Variants in ABCB11 observed in about 807,000 individuals in gnomAD.
ABCB11 encodes ATP binding cassette subfamily B member 11.
In ABCB11, 95 loss-of-function variants were observed where a neutral mutation model predicts 148.0. The ratio of observed to expected loss-of-function variants is 0.64; its 90% CI spans 0.54 to 0.76. The LOEUF is 0.76. Ranked by LOEUF, ABCB11 falls within the 30% of genes least tolerant of loss-of-function variation. The pLI is 0.00. For missense variants in ABCB11, 1,523 were observed against 1,617.8 expected (o/e 0.94, Z 1.01); for synonymous variants, 591 against 555.4 (o/e 1.06, Z -0.90).
chr2:168,996,804 T>TA, intron 5 of ABCB11, 82 bp from the exon 6 acceptor site: 1 of 432,014 alleles, frequency 2.3e-6, no homozygotes, highest in Non-Finnish European at 3.9e-6. Flanking sequence ...TAGAGGGATT[T>TA]AAAAAATATA....
chr2:168,974,096 A>C (rs1255475276), intron 12 of ABCB11, among the ~76,000 whole-genome samples: 2 of 152,082 alleles, frequency 1.3e-5, no homozygotes, highest in Non-Finnish European at 2.9e-5. Flanking sequence ...GATGCACATT[A>C]ACACAGGTGA....
At chr2:168,927,041 G>T in intron 26 of ABCB11, 115 bp downstream of exon 26, 2 of 1,079,140 alleles carry the variant, frequency 1.9e-6, no homozygotes, top group Non-Finnish European at 1.3e-6. Context: ...TTTGAATTTT[G>T]GAACATTTTG....
intron 18 of ABCB11, among the ~76,000 whole-genome samples, chr2:168,961,936 T>A (rs903607166): frequency 1.3e-5 from 2 of 151,668 alleles, no homozygotes; most frequent in Non-Finnish European, 3.0e-5. Context: ...AAGAAAGGAT[T>A]TCACCAATGC....
At position 168,964,221 on chromosome 2, in the gene ABCB11, A is replaced by G. The variant is rs762791891; in HGVS notation, c.2163T>C (p.Tyr721=). The G allele has an allele frequency of 1.5e-5, 23 of 1,557,580 alleles. 1 individual carries two copies. The highest frequency in any genetic ancestry group is 1.2e-4 in the South Asian group (10 of 84,574). The change falls in exon 18 of 28, where the codon TAT becomes TAC. Residue 721 remains tyrosine, a synonymous_variant. Transcript: ENST00000650372. ...PLAVVDHKST[Y]EEDRKDKDIP... Reference sequence around the variant, plus strand: ...GGTGCCTGACCTTTCTATCTTCTTCATAGGTAGACTTATGATCTACAACAG... The same window carrying G: ...GGTGCCTGACCTTTCTATCTTCTTCGTAGGTAGACTTATGATCTACAACAG...
intron 2 of ABCB11, 143 bp downstream of exon 2, chr2:169,017,907 A>G (rs575672488): frequency 1.6e-5 from 13 of 792,756 alleles, no homozygotes; most frequent in South Asian, 1.3e-4. Context: ...AGAGCCACAC[A>G]GTTGTGTATA....
intron 8 of ABCB11, among the ~76,000 whole-genome samples, chr2:168,991,647 AG>A (rs1694528411): frequency 6.6e-6 from 1 of 152,058 alleles, no homozygotes; most frequent in South Asian, 2.1e-4. Flanking sequence ...ACCCAGATTA[AG>A]GGAGTTTATC....
chr2:168,973,569 G>T, intron 13 of ABCB11, 146 bp downstream of exon 13: 1 of 980,916 alleles, frequency 1.0e-6, no homozygotes, highest in Non-Finnish European at 1.5e-6. Context: ...TAGGAAGCGT[G>T]TCCCATCAAT....
chr2:168,931,866 G>T lies in ABCB11; in HGVS notation c.3213+511C>A, dbSNP rs58311018. 5.7e-3 allele frequency among the ~76,000 whole-genome samples: 874 copies of T among 152,190 alleles called. 12 individuals are homozygous for T. Among genetic ancestry groups the T allele is most frequent in the African/African-American group, 0.02 (826 of 41,504 alleles). On this transcript the variant is annotated intron_variant, in intron 24 of 27. Coordinates refer to ENST00000650372, the MANE Select transcript of ABCB11 (RefSeq NM_003742.4). ...CTTTGTATTTATAAATCTACTGTTT[G>T]TCTTCTCCAAGTATGTATGAATGAA... is the stretch of plus-strand genomic sequence containing the variant.
intron 4 of ABCB11, 67 bp downstream of exon 4, chr2:169,014,236 C>CTGCG: frequency 1.8e-6 from 2 of 1,087,920 alleles, no homozygotes; most frequent in Non-Finnish European, 2.8e-6. Context: ...AGATTTAACA[C>CTGCG]TCCCCTCATG....
At chr2:169,008,763 C>T (rs1251490077) in intron 5 of ABCB11, among the ~76,000 whole-genome samples, 1 of 152,138 alleles carries the variant, frequency 6.6e-6, no homozygotes, top group African/African-American at 2.4e-5. Context: ...CATAGAGTTA[C>T]CATGTGATAC....
At chr2:169,001,679 G>A (rs1694878775) in intron 5 of ABCB11, among the ~76,000 whole-genome samples, 1 of 152,166 alleles carries the variant, frequency 6.6e-6, no homozygotes, top group Non-Finnish European at 1.5e-5. Context: ...CTAGAGTAGA[G>A]CAATTATTGC....
chr2:168,951,602 T>C (rs1466119218), intron 19 of ABCB11, among the ~76,000 whole-genome samples: 1 of 151,712 alleles, frequency 6.6e-6, no homozygotes, highest in Non-Finnish European at 1.5e-5. Context: ...TAATTTTGTA[T>C]CCTGAAAGTT....
At chr2:168,944,234 G>A (rs890627619) in intron 21 of ABCB11, among the ~76,000 whole-genome samples, 5 of 151,906 alleles carry the variant, frequency 3.3e-5, no homozygotes, top group Admixed American at 6.6e-5. Flanking sequence ...CCACACTCTG[G>A]GGTCCTGTGT....
rs1014128718 is a variant in ABCB11, at chr2:168,921,843, C to A, written c.*1779G>T. On this transcript the variant is annotated 3_prime_UTR_variant, in exon 28 of 28. Coordinates refer to ENST00000650372, the MANE Select transcript of ABCB11 (RefSeq NM_003742.4). ...AGGATTCCAAGGACGGAGTCCTTGA[C>A]CTCTTTTCTTTTTCTTTTTCTTTTT... Among the ~76,000 whole-genome samples the A allele has an allele frequency of 4.1e-4, 42 of 102,050 alleles. 1 individual carries two copies. The highest frequency in any genetic ancestry group is 2.1e-4 in the Non-Finnish European group (10 of 47,044). 66.9% of individuals were successfully genotyped at this position (102,050 alleles called of 152,430 possible).
intron 6 of ABCB11, among the ~76,000 whole-genome samples, chr2:168,995,975 T>TTAA (rs1553470376): frequency 1.6e-5 from 1 of 63,036 alleles, no homozygotes; most frequent in African/African-American, 6.4e-5. Context: ...TTTCCCTAAC[T>TTAA]AAAAAAAAAA....
intron 18 of ABCB11, among the ~76,000 whole-genome samples, chr2:168,959,335 T>C (rs990494118): frequency 1.3e-5 from 2 of 151,672 alleles, no homozygotes; most frequent in African/African-American, 4.8e-5. Context: ...ATTTCACCTG[T>C]GACAGCTTAC....
chr2:168,982,779 C>T (rs573252285), intron 10 of ABCB11, among the ~76,000 whole-genome samples: 2 of 150,876 alleles, frequency 1.3e-5, no homozygotes, highest in African/African-American at 2.4e-5. Flanking sequence ...AGAGAGAGAG[C>T]GAGCGAGAGA....
At chr2:169,022,673 TAAGAA>T (rs1169359936) in intron 1 of ABCB11, among the ~76,000 whole-genome samples, 3 of 151,722 alleles carry the variant, frequency 2.0e-5, no homozygotes, top group Non-Finnish European at 4.4e-5. Flanking sequence ...AAAAGAAAAA[TAAGAA>T]AAGCTACCCA....
chr2:168,995,139 C>T (rs1041556560), intron 7 of ABCB11, among the ~76,000 whole-genome samples: 1 of 151,994 alleles, frequency 6.6e-6, no homozygotes, highest in African/African-American at 2.4e-5. Context: ...AAGGTCTACA[C>T]ACCAAATTGC....
Sources: allele counts gnomAD v4.1 joint callset (sites outside exome capture counted in the v4.1 genomes callset), GRCh38; gene constraint gnomAD v4.1.1; transcripts MANE v1.5; gene names NCBI Gene and HGNC (gene_info 2026-07-23, HGNC 2026-07-21).